FICD: variants seen among roughly 807,000 people sequenced by gnomAD.
FICD encodes FIC domain protein adenylyltransferase, also known as protein adenylyltransferase FICD.
Under a neutral mutation model 28.0 loss-of-function variants are expected in FICD, and 13 were observed. The observed-to-expected ratio is 0.46, with a 90% CI of 0.30 to 0.74. The LOEUF (loss-of-function observed/expected upper bound fraction) is 0.74, where lower values mean the gene tolerates loss of function less well. Among genes scored for constraint, FICD ranks in the 30% least tolerant of loss-of-function variants. FICD has a pLI of 0.07. For synonymous variants in FICD, 268 were observed against 266.4 expected (o/e 1.01, Z -0.06); for missense variants, 576 against 624.5 (o/e 0.92, Z 0.83).
intron 2 of FICD, chr12:108,517,587 T>A (rs1871949001): frequency 2.4e-6 from 1 of 419,916 alleles, no homozygotes; most frequent in African/African-American, 2.0e-5. Flanking sequence ...AGGTTAGTTG[T>A]CATAACTGAC....
rs956184939 is a variant in FICD at position 108,520,051 on chromosome 12, T to C, written c.*576T>C. Reference sequence around the variant, plus strand: ...CCTTACTTACCTGCAGGAAGACTTTTTGAGCCATAGTTTGCAAACTTTAGT... The same window carrying C: ...CCTTACTTACCTGCAGGAAGACTTTCTGAGCCATAGTTTGCAAACTTTAGT... On this transcript the variant is annotated 3_prime_UTR_variant, in exon 3 of 3. Coordinates refer to ENST00000552695, the MANE Select transcript of FICD (RefSeq NM_007076.3). 3 of 151,728 alleles carry C rather than the reference T, an allele frequency of 2.0e-5. No homozygotes were observed. Among genetic ancestry groups the C allele is most frequent in the South Asian group, 4.2e-4 (2 of 4,812 alleles). 9.4% of individuals were successfully genotyped at this position (151,728 alleles called of 1,614,324 possible).
At position 108,517,069 on chromosome 12, in the gene FICD, G is replaced by T; in HGVS notation, c.97G>T (p.Val33Leu). 1 of 1,609,058 alleles carries T rather than the reference G, an allele frequency of 6.2e-7. No homozygotes were observed. Among genetic ancestry groups the T allele is most frequent in the Non-Finnish European group, 8.5e-7 (1 of 1,177,052 alleles). The change falls in exon 2 of 3, where the codon GTG becomes TTG. Residue 33 changes from valine (V) to leucine (L), a missense_variant. Transcript: ENST00000552695. ...CCTCTGGGTGACGCTGCTGAGCATG[G>T]TGCTGGGGTCCCTGCTGGCCCTGCT... ...RFLWVTLLSM[V>L]LGSLLALLLP... is the part of the protein sequence containing the mutation.
chr12:108,515,623 A>G (rs1871888045), intron 1 of FICD, among the ~76,000 whole-genome samples: 3 of 151,976 alleles, frequency 2.0e-5, no homozygotes, highest in Admixed American at 1.3e-4. Context: ...CGCCCCGCCC[A>G]GGAGCCTGTC....
At position 108,515,288 on chromosome 12, in the gene FICD, A is replaced by C. The variant is rs1304451328; in HGVS notation, c.-132A>C. On this transcript the variant is annotated 5_prime_UTR_variant, in exon 1 of 3. Transcript: ENST00000552695. ...GGGCGGGGCCAGAGGCCGGCGGAGA[A>C]GGAGGACCCGGGAGCCGGCGGCCCG... The C allele has an allele frequency of 1.3e-5, 2 of 152,528 alleles. No homozygotes were observed. The highest frequency in any genetic ancestry group is 2.9e-5 in the Non-Finnish European group (2 of 68,314). The allele number at this position is 152,528 out of a possible 1,614,324, so 9.4% of individuals were successfully genotyped here.
Position 108,519,224 on chromosome 12 carries a change from C to T in FICD, c.1126C>T (p.Leu376Phe). ...IDGNGRTSRL[L>F]MNLILMQAGY... is the part of the protein sequence containing the mutation. ...TGGCAACGGGAGGACCTCCCGTCTG[C>T]TCATGAACCTCATCCTCATGCAGGC... Residue 376 changes from leucine (L) to phenylalanine (F), a missense_variant, in exon 3 of 3, where the codon CTC becomes TTC. Coordinates refer to ENST00000552695, the MANE Select transcript of FICD (RefSeq NM_007076.3). This position sits in a 1 kb window ranked among gnomAD's most constrained non-coding sequence, Gnocchi z 4.5. The T allele has an allele frequency of 6.2e-7, 1 of 1,614,244 alleles. No individual in the cohort carries two copies. The highest frequency in any genetic ancestry group is 8.5e-7 in the Non-Finnish European group (1 of 1,180,034).
chr12:108,518,829 G>T lies in FICD; in HGVS notation c.731G>T (p.Arg244Met). ...EGNTLTLSEI[R>M]HILETRYAVP... ...AACACCCTCACCCTCTCGGAAATCA[G>T]GCACATCCTGGAGACCCGCTACGCC... is the stretch of plus-strand genomic sequence containing the variant. The change falls in exon 3 of 3, where the codon AGG (arginine) becomes ATG (methionine). Residue 244 changes from arginine to methionine, a missense_variant. Coordinates refer to ENST00000552695, the MANE Select transcript of FICD (RefSeq NM_007076.3). The surrounding 1 kb of genome is among the most constrained non-coding windows in gnomAD (Gnocchi z 4.4). 2 of 1,614,156 alleles carry T rather than the reference G, an allele frequency of 1.2e-6. No individual in the cohort carries two copies. Among genetic ancestry groups the T allele is most frequent in the Non-Finnish European group, 1.7e-6 (2 of 1,180,034 alleles).
chr12:108,516,997 G>C lies in FICD; in HGVS notation c.25G>C (p.Val9Leu). ...GATGATGCTCATACCAATGGCTTCA[G>C]TGATGGCGGTGACTGAACCGAAATG... The part of the protein sequence containing the change: MMLIPMAS[V>L]MAVTEPKWVS... Residue 9 changes from valine (V) to leucine (L), a missense_variant, in exon 2 of 3, where the codon GTG (valine) becomes CTG (leucine). Val to Leu is a conservative substitution (Grantham distance 32, BLOSUM62 1). Coordinates refer to ENST00000552695, the MANE Select transcript of FICD (RefSeq NM_007076.3). The C allele has an allele frequency of 6.5e-7, 1 of 1,532,484 alleles. No individual in the cohort carries two copies. Among genetic ancestry groups the C allele is most frequent in the South Asian group, 1.2e-5 (1 of 80,130 alleles). 94.9% of individuals were successfully genotyped at this position (1,532,484 alleles called of 1,614,324 possible). A position where few individuals can be genotyped will look rare whatever the true frequency, so the allele number is the denominator to read the frequency against.
intron 1 of FICD, among the ~76,000 whole-genome samples, chr12:108,516,216 T>G (rs759810373): frequency 6.6e-6 from 1 of 152,246 alleles, no homozygotes; most frequent in Non-Finnish European, 1.5e-5. Context: ...ACTGCTCATC[T>G]TCTTGATGGG....
In FICD at chr12:108,520,916, A is replaced by G. The variant is rs1023267193; in HGVS notation, c.*1441A>G. The G allele has an allele frequency of 2.0e-5, 3 of 152,184 alleles. No individual in the cohort carries two copies. The highest frequency in any genetic ancestry group is 4.4e-5 in the Non-Finnish European group (3 of 68,044). The allele number at this position is 152,184 out of a possible 1,614,324, so 9.4% of individuals were successfully genotyped here. Reference sequence around the variant, plus strand: ...TTTATACAGTTCTTCAGTTGTATAAATAGCACAGAGTAGTTTTTGAAAGGT... The same window carrying G: ...TTTATACAGTTCTTCAGTTGTATAAGTAGCACAGAGTAGTTTTTGAAAGGT... On this transcript the variant is annotated 3_prime_UTR_variant, in exon 3 of 3. Transcript: ENST00000552695.
chr12:108,519,036 A>G lies in FICD; in HGVS notation c.938A>G (p.Gln313Arg). 6.2e-7 allele frequency: 1 copy of G among 1,614,234 alleles called. No individual in the cohort carries two copies. Among genetic ancestry groups the G allele is most frequent in the Non-Finnish European group, 8.5e-7 (1 of 1,180,040 alleles). Residue 313 changes from glutamine (Q) to arginine (R), a missense_variant, in exon 3 of 3, where the codon CAG becomes CGG. Coordinates refer to ENST00000552695, the MANE Select transcript of FICD (RefSeq NM_007076.3). This position sits in a 1 kb window ranked among gnomAD's most constrained non-coding sequence, Gnocchi z 4.5. The part of the protein sequence containing the change: ...PVEAGRFRTT[Q>R]VLVGHHIPPH... ...GAAGCCGGCAGGTTTCGGACAACAC[A>G]GGTCCTGGTCGGACACCACATCCCT...
At position 108,520,723 on chromosome 12, in the gene FICD, T is replaced by TA. The variant is rs1280466912; in HGVS notation, c.*1249dup. ...AGGTGCCAATATGACTGCTGCTATT[T>TA]AGAGTCAGAGAGGTGGAAGTCACTG... On this transcript the variant is annotated 3_prime_UTR_variant, in exon 3 of 3. Transcript: ENST00000552695. 2 of 152,342 alleles carry TA rather than the reference T, an allele frequency of 1.3e-5. No homozygotes were observed. Among genetic ancestry groups the TA allele is most frequent in the East Asian group, 1.9e-4 (1 of 5,194 alleles). The allele number at this position is 152,342 out of a possible 1,614,324, so 9.4% of individuals were successfully genotyped here.
At position 108,519,470 on chromosome 12, in the gene FICD, C is replaced by T; in HGVS notation, c.1372C>T (p.Pro458Ser). The change falls in exon 3 of 3, where the codon CCC becomes TCC. Residue 458 changes from proline (P) to serine (S), a missense_variant. By Grantham distance (74) the Pro-to-Ser change is moderately conservative. Coordinates refer to ENST00000552695, the MANE Select transcript of FICD (RefSeq NM_007076.3). The surrounding 1 kb of genome is among the most constrained non-coding windows in gnomAD (Gnocchi z 4.5). ...GTTCAAGGAGACGCTTCCTGTGAAG[C>T]CCTAACCCTAGAAATCCTCAGTGAC... ...SGFKETLPVK[P>S] 6.2e-7 allele frequency: 1 copy of T among 1,602,206 alleles called. No homozygotes were observed. Among genetic ancestry groups the T allele is most frequent in the Non-Finnish European group, 8.5e-7 (1 of 1,171,966 alleles).
chr12:108,519,108 G>A lies in FICD; in HGVS notation c.1010G>A (p.Trp337Ter), dbSNP rs1461818324. ...VEKQMQEFVQWLNSEEAMNLH... is the reference protein window; with the variant it reads ...VEKQMQEFVQ Reference sequence around the variant, plus strand: ...AAGCAGATGCAGGAGTTTGTACAGTGGCTCAACTCCGAGGAAGCCATGAAC... The same window carrying A: ...AAGCAGATGCAGGAGTTTGTACAGTAGCTCAACTCCGAGGAAGCCATGAAC... The change falls in exon 3 of 3, where the codon TGG (tryptophan) becomes TAG (stop). Residue 337 changes from tryptophan to a stop codon, truncating the protein, a stop_gained. Transcript: ENST00000552695. LOFTEE classifies it high-confidence loss of function. The surrounding 1 kb of genome is among the most constrained non-coding windows in gnomAD (Gnocchi z 4.5). The A allele has an allele frequency of 6.2e-7, 1 of 1,614,226 alleles. No homozygotes were observed. Among genetic ancestry groups the A allele is most frequent in the Admixed American group, 1.7e-5 (1 of 60,034 alleles).
In FICD at chr12:108,520,256, T is replaced by G. The variant is rs546140893; in HGVS notation, c.*781T>G. The G allele has an allele frequency of 6.6e-6, 1 of 152,224 alleles. No individual in the cohort carries two copies. Among genetic ancestry groups the G allele is most frequent in the East Asian group, 1.9e-4 (1 of 5,180 alleles). The allele number at this position is 152,224 out of a possible 1,614,324, so 9.4% of individuals were successfully genotyped here. A position where few individuals can be genotyped will look rare whatever the true frequency, so the allele number is the denominator to read the frequency against. The stretch of plus-strand genomic sequence containing the variant: ...ATTTGTAGCAACTCAGGCCAGATGT[T>G]TTCGTCTGAAATTCTCTGGGCTTGT... On this transcript the variant is annotated 3_prime_UTR_variant, in exon 3 of 3. Coordinates refer to ENST00000552695, the MANE Select transcript of FICD (RefSeq NM_007076.3).
At chr12:108,516,847 C>T (rs746608375) in intron 1 of FICD, 68 bp from the exon 2 acceptor site, 70 of 753,912 alleles carry the variant, frequency 9.3e-5, no homozygotes, top group Non-Finnish European at 1.4e-4. Flanking sequence ...CCAAACCCAT[C>T]TTCCCAGCTG....
rs1871975529 is a variant in FICD, at chr12:108,518,390, T to C, written c.302-10T>C. 1 of 1,612,864 alleles carries C rather than the reference T, an allele frequency of 6.2e-7. No homozygotes were observed. The highest frequency in any genetic ancestry group is 1.7e-5 in the Admixed American group (1 of 59,982). ...CCCTCCCTCACAGCGCTTCTTTGGCTCTCTTCCAGCGGGTAAGTTGGAAGC... is the reference window on the plus strand; with the variant it reads ...CCCTCCCTCACAGCGCTTCTTTGGCCCTCTTCCAGCGGGTAAGTTGGAAGC... On this transcript the variant is annotated splice_polypyrimidine_tract_variant and intron_variant, in intron 2 of 2. Coordinates refer to ENST00000552695, the MANE Select transcript of FICD (RefSeq NM_007076.3). The surrounding 1 kb of genome is among the most constrained non-coding windows in gnomAD (Gnocchi z 4.4).
At position 108,518,353 on chromosome 12, in the gene FICD, G is replaced by GC; in HGVS notation, c.302-42dup. On this transcript the variant is annotated intron_variant, in intron 2 of 2. Transcript: ENST00000552695. This position sits in a 1 kb window ranked among gnomAD's most constrained non-coding sequence, Gnocchi z 4.4. ...GGGGACAGCCCCCCGAATGTCCTCT[G>GC]CCCCCTAGCCTCCCTCCCTCACAGC... The GC allele has an allele frequency of 6.6e-7, 1 of 1,522,980 alleles. No homozygotes were observed. Among genetic ancestry groups the GC allele is most frequent in the South Asian group, 1.1e-5 (1 of 89,014 alleles). The allele number at this position is 1,522,980 out of a possible 1,614,324, so 94.3% of individuals were successfully genotyped here.
In FICD at chr12:108,519,026, C is replaced by T. The variant is rs1283948863; in HGVS notation, c.928C>T (p.Arg310Trp). The stretch of plus-strand genomic sequence containing the variant: ...GGACCCCGTGGAAGCCGGCAGGTTT[C>T]GGACAACACAGGTCCTGGTCGGACA... ...YVDPVEAGRF[R>W]TTQVLVGHHI... The change falls in exon 3 of 3, where the codon CGG (arginine) becomes TGG (tryptophan). Residue 310 changes from arginine (R) to tryptophan (W), a missense_variant. By Grantham distance (101) the Arg-to-Trp change is moderately radical (BLOSUM62 -3). Transcript: ENST00000552695. This position sits in a 1 kb window ranked among gnomAD's most constrained non-coding sequence, Gnocchi z 4.5. 2.5e-6 allele frequency: 4 copies of T among 1,614,188 alleles called. No individual in the cohort carries two copies. The highest frequency in any genetic ancestry group is 1.3e-5 in the African/African-American group (1 of 75,056).
intron 1 of FICD, among the ~76,000 whole-genome samples, chr12:108,516,005 T>A (rs796068101): frequency 2.0e-5 from 3 of 152,198 alleles, no homozygotes; most frequent in African/African-American, 7.2e-5. Context: ...GGCATGAGGG[T>A]GAAACGAGGC....
Sources: gnomAD v4.1 joint callset for allele counts (sites outside exome capture counted in the v4.1 genomes callset) on GRCh38, gnomAD v4.1.1 for gene constraint, Gnocchi (gnomAD v3.1) non-coding constraint, MANE v1.5 for transcripts, NCBI Gene and HGNC (gene_info 2026-07-23, HGNC 2026-07-21) for gene names.